Variants in GALNTL6 observed in about 807,000 individuals in gnomAD.
The protein encoded by GALNTL6 is polypeptide N-acetylgalactosaminyltransferase like 6.
A neutral mutation model predicts 73.7 loss-of-function variants in GALNTL6; 46 were observed. The ratio of observed to expected loss-of-function variants is 0.62; its 90% CI spans 0.49 to 0.80. GALNTL6 has a LOEUF of 0.80. Ranked by LOEUF, GALNTL6 falls within the 30% of genes least tolerant of loss-of-function variation. The pLI, the probability that GALNTL6 is intolerant of heterozygous loss-of-function variation, is 0.00. For synonymous variants in GALNTL6, 259 were observed against 263.7 expected, an observed-to-expected ratio of 0.98 and a Z score of 0.17; for missense variants, 604 against 755.0, an observed-to-expected ratio of 0.80 and a Z score of 2.34.
chr4:172,489,743 G>A (rs1733830641), intron 5 of GALNTL6, among the ~76,000 whole-genome samples: 1 of 152,164 alleles, frequency 6.6e-6, no homozygotes, highest in Non-Finnish European at 1.5e-5. Flanking sequence ...ATTCAACCAG[G>A]AATATGTTGG....
intron 2 of GALNTL6, among the ~76,000 whole-genome samples, chr4:172,036,149 T>A (rs1741923391): frequency 6.6e-6 from 1 of 152,070 alleles, no homozygotes; most frequent in Non-Finnish European, 1.5e-5. Flanking sequence ...AAATCACACA[T>A]GTATGTGAAC....
rs371171119 is a variant in GALNTL6 at position 172,727,943 on chromosome 4, C to T, written c.554-81418C>T. ...CTTTTTTCTTTTTGAGACAGAGTCTCGCTGTATCACCCAGGCTGGAGTGCA... is the reference window on the plus strand; with the variant it reads ...CTTTTTTCTTTTTGAGACAGAGTCTTGCTGTATCACCCAGGCTGGAGTGCA... On this transcript the variant is annotated intron_variant, in intron 5 of 12. Transcript: ENST00000506823. Among the ~76,000 whole-genome samples, 9 of 151,944 alleles carry T rather than the reference C, an allele frequency of 5.9e-5. 1 individual carries two copies. Among genetic ancestry groups the T allele is most frequent in the South Asian group, 2.1e-4 (1 of 4,818 alleles).
chr4:172,032,072 G>A (rs1025770731), intron 2 of GALNTL6, among the ~76,000 whole-genome samples: 2 of 152,068 alleles, frequency 1.3e-5, no homozygotes, highest in Non-Finnish European at 2.9e-5. Flanking sequence ...CAGTAAAGGA[G>A]TAAAATATTT....
At chr4:172,988,608 G>A (rs28800549) in intron 10 of GALNTL6, among the ~76,000 whole-genome samples, 19,845 of 152,268 alleles carry the variant, frequency 0.13, 1,371 homozygotes, top group Non-Finnish European at 0.15. Flanking sequence ...ATGCCTTGAA[G>A]ATGTTTCAGA....
intron 5 of GALNTL6, among the ~76,000 whole-genome samples, chr4:172,455,519 C>T (rs773493203): frequency 6.6e-6 from 1 of 152,088 alleles, no homozygotes; most frequent in Non-Finnish European, 1.5e-5. Context: ...GAGCTTGGGT[C>T]GGGGAAAGGC....
At chr4:172,399,589 A>G (rs1743969061) in intron 5 of GALNTL6, among the ~76,000 whole-genome samples, 1 of 152,102 alleles carries the variant, frequency 6.6e-6, no homozygotes, top group Admixed American at 6.6e-5. Context: ...AATTTAATTT[A>G]AATAAATTTA....
intron 5 of GALNTL6, among the ~76,000 whole-genome samples, chr4:172,797,393 C>A (rs1360895816): frequency 6.6e-6 from 1 of 151,902 alleles, no homozygotes; most frequent in Admixed American, 6.6e-5. Context: ...ACTAGGCGAA[C>A]GCCGCTACGC....
chr4:172,197,881 G>A (rs999009245), intron 2 of GALNTL6, among the ~76,000 whole-genome samples: 2 of 152,094 alleles, frequency 1.3e-5, no homozygotes, highest in Non-Finnish European at 2.9e-5. Context: ...AGGCCAGAGC[G>A]GGCAGATCAC....
At chr4:172,803,347 A>G (rs988580425) in intron 5 of GALNTL6, among the ~76,000 whole-genome samples, 4 of 152,144 alleles carry the variant, frequency 2.6e-5, no homozygotes, top group Non-Finnish European at 5.9e-5. Context: ...GCCAAACTCT[A>G]TTGTGAACTA....
chr4:172,400,804 G>A (rs112494250), intron 5 of GALNTL6, among the ~76,000 whole-genome samples: 20 of 152,134 alleles, frequency 1.3e-4, no homozygotes, highest in African/African-American at 4.8e-4. Flanking sequence ...ATTTCCAGAC[G>A]AGCCTCCACG....
chr4:172,350,198 CTT>C (rs1188823127), intron 5 of GALNTL6, among the ~76,000 whole-genome samples: 2 of 152,054 alleles, frequency 1.3e-5, no homozygotes, highest in African/African-American at 4.8e-5. Flanking sequence ...GCCAGTGTAA[CTT>C]TTGATTATCT....
chr4:172,265,699 T>C (rs969308375), intron 3 of GALNTL6, among the ~76,000 whole-genome samples: 24 of 152,048 alleles, frequency 1.6e-4, no homozygotes, highest in African/African-American at 5.8e-4. Flanking sequence ...AAGATACAAA[T>C]ACTTAGTGTT....
intron 2 of GALNTL6, among the ~76,000 whole-genome samples, chr4:172,221,343 A>G (rs918099560): frequency 6.6e-6 from 1 of 151,726 alleles, no homozygotes; most frequent in Non-Finnish European, 1.5e-5. Context: ...AATTGATAGG[A>G]TGGAATTCTA....
intron 5 of GALNTL6, among the ~76,000 whole-genome samples, chr4:172,783,024 C>T (rs1156766780): frequency 6.6e-6 from 1 of 151,854 alleles, no homozygotes; most frequent in Non-Finnish European, 1.5e-5. Flanking sequence ...TAAAGTGTGT[C>T]TTATTTGTAA....
chr4:172,571,256 C>G (rs1304528400), intron 5 of GALNTL6, among the ~76,000 whole-genome samples: 1 of 152,122 alleles, frequency 6.6e-6, no homozygotes, highest in East Asian at 1.9e-4. Context: ...GCAAGCCAGG[C>G]TATTTTATTA....
chr4:172,561,989 A>T (rs1426744029), intron 5 of GALNTL6, among the ~76,000 whole-genome samples: 1 of 152,174 alleles, frequency 6.6e-6, no homozygotes, highest in Non-Finnish European at 1.5e-5. Context: ...TCAGATCTGG[A>T]TTTTGCTACT....
chr4:172,318,106 T>A (rs1740629534), intron 4 of GALNTL6, among the ~76,000 whole-genome samples: 1 of 152,212 alleles, frequency 6.6e-6, no homozygotes, highest in South Asian at 2.1e-4. Context: ...CTCTCAAAAC[T>A]GTTATTTAAG....
chr4:172,650,548 G>T (rs768049202), intron 5 of GALNTL6, among the ~76,000 whole-genome samples: 8 of 152,048 alleles, frequency 5.3e-5, no homozygotes, highest in Non-Finnish European at 1.0e-4. Context: ...AATAAACAGA[G>T]AATTCAAAGA....
intron 3 of GALNTL6, among the ~76,000 whole-genome samples, chr4:172,277,478 AT>A (rs1485841000): frequency 2.6e-5 from 4 of 152,328 alleles, no homozygotes; most frequent in African/African-American, 9.6e-5. Context: ...ATAATAACCA[AT>A]AAATGAAAAA....
Sources: gnomAD v4.1 joint callset for allele counts (sites outside exome capture counted in the v4.1 genomes callset) on GRCh38, gnomAD v4.1.1 for gene constraint, MANE v1.5 for transcripts, NCBI Gene and HGNC (gene_info 2026-07-23, HGNC 2026-07-21) for gene names.